Variants in PDE1C observed in about 807,000 individuals in gnomAD.
PDE1C encodes the protein phosphodiesterase 1C.
PDE1C carries 62 observed loss-of-function variants against 93.1 expected under a neutral mutation model. That is an observed-to-expected ratio of 0.67 (90% CI 0.54 to 0.82). The LOEUF is 0.82. Ranked by LOEUF, PDE1C falls within the 40% of genes least tolerant of loss-of-function variation. The pLI is 0.00. For synonymous variants in PDE1C, 325 were observed against 310.1 expected (o/e 1.05, Z -0.50); for missense variants, 742 against 884.6 (o/e 0.84, Z 2.04).
intron 1 of PDE1C, among the ~76,000 whole-genome samples, chr7:32,417,138 G>A (rs1312745787): frequency 1.3e-5 from 2 of 152,144 alleles, no homozygotes; most frequent in Non-Finnish European, 1.5e-5. Context: ...ACCACGAGCT[G>A]AGCGGTCCCA....
intron 7 of PDE1C, 151 bp from the exon 8 acceptor site, chr7:31,850,892 T>A: frequency 1.6e-6 from 1 of 633,866 alleles, no homozygotes; most frequent in Admixed American, 2.3e-5. Context: ...ATAAGTTATT[T>A]TCCTGTGAAG....
intron 3 of PDE1C, among the ~76,000 whole-genome samples, chr7:32,167,357 G>A (rs1003058718): frequency 6.6e-6 from 1 of 152,138 alleles, no homozygotes; most frequent in African/African-American, 2.4e-5. Context: ...CCTTCCTTTT[G>A]AGAATCAACA....
At chr7:32,017,817 A>G (rs1788109176) in intron 2 of PDE1C, among the ~76,000 whole-genome samples, 3 of 152,110 alleles carry the variant, frequency 2.0e-5, no homozygotes, top group Admixed American at 2.0e-4. Flanking sequence ...GGTAGCTCAC[A>G]CCTGTAATCC....
intron 3 of PDE1C, among the ~76,000 whole-genome samples, chr7:32,140,507 G>T (rs1298410810): frequency 2.0e-5 from 3 of 152,192 alleles, no homozygotes; most frequent in Non-Finnish European, 4.4e-5. Flanking sequence ...GATTATAAAT[G>T]GAAAACAATT....
chr7:32,012,354 T>C (rs1787253308), intron 2 of PDE1C, among the ~76,000 whole-genome samples: 3 of 152,092 alleles, frequency 2.0e-5, no homozygotes, highest in Admixed American at 2.0e-4. Flanking sequence ...AACCCAATCA[T>C]ATGTGAACTC....
At chr7:32,374,106 A>AGGAGGGAT (rs144022040) in intron 1 of PDE1C, among the ~76,000 whole-genome samples, 1 of 117,214 alleles carries the variant, frequency 8.5e-6, no homozygotes. Flanking sequence ...GAGGGAGGGA[A>AGGAGGGAT]GGAAGGAAGG....
At chr7:31,725,210 C>A in the PDE1C span, among the ~76,000 whole-genome samples, 2 of 151,748 alleles carry the variant, frequency 1.3e-5, no homozygotes, top group Admixed American at 6.6e-5. Context: ...TCTCTGTGGC[C>A]TGCACAAAGA....
chr7:31,708,628 A>G, the PDE1C span, among the ~76,000 whole-genome samples: 2 of 152,250 alleles, frequency 1.3e-5, no homozygotes, highest in South Asian at 2.1e-4. Flanking sequence ...CAATCCAGTC[A>G]GGAGAAGTGA....
chr7:32,424,694 T>G (rs1255572626), intron 1 of PDE1C, among the ~76,000 whole-genome samples: 2 of 152,060 alleles, frequency 1.3e-5, no homozygotes, highest in East Asian at 3.9e-4. Flanking sequence ...TGCCTGTAGT[T>G]CCAGCTACTC....
the PDE1C span, among the ~76,000 whole-genome samples, chr7:31,705,986 A>ATTTTTT: frequency 5.7e-4 from 30 of 52,514 alleles, 7 homozygotes; most frequent in South Asian, 1.7e-3. Flanking sequence ...CAGACCAGTA[A>ATTTTTT]TTTTTTTTTT....
intron 1 of PDE1C, among the ~76,000 whole-genome samples, chr7:32,293,880 C>T (rs970292528): frequency 6.6e-6 from 1 of 152,204 alleles, no homozygotes; most frequent in Non-Finnish European, 1.5e-5. Context: ...CCCAGACTGC[C>T]TGCTTGTCTA....
At chr7:31,932,936 AC>A (rs1439816948) in intron 2 of PDE1C, among the ~76,000 whole-genome samples, 4 of 152,148 alleles carry the variant, frequency 2.6e-5, no homozygotes, top group African/African-American at 7.2e-5. Flanking sequence ...GAAACTGGAA[AC>A]CATCTTTCTC....
chr7:31,788,185 T>C (rs1784205757), intron 16 of PDE1C: 1 of 152,178 alleles, frequency 6.6e-6, no homozygotes, highest in Admixed American at 6.6e-5. Flanking sequence ...ATGGAAGCTG[T>C]AGACTTTCTA....
intron 6 of PDE1C, among the ~76,000 whole-genome samples, chr7:31,868,439 G>C (rs11761300): frequency 0.19 from 28,462 of 152,000 alleles, 2,813 homozygotes; most frequent in South Asian, 0.25. Context: ...CAGTAGACTA[G>C]ACCAAGCAAG....
At chr7:31,827,918 G>A (rs1048897057) in intron 12 of PDE1C, among the ~76,000 whole-genome samples, 2 of 152,074 alleles carry the variant, frequency 1.3e-5, no homozygotes, top group Non-Finnish European at 2.9e-5. Flanking sequence ...CTGAAAACAG[G>A]GCTAGGAGAA....
In PDE1C at chr7:31,817,552, T is replaced by C. The variant is rs556764725; in HGVS notation, c.1583-1398A>G. Among the ~76,000 whole-genome samples, 50 of 152,276 alleles carry C rather than the reference T, an allele frequency of 3.3e-4. 1 individual carries two copies. Among genetic ancestry groups the C allele is most frequent in the South Asian group, 2.3e-3 (11 of 4,826 alleles). The stretch of plus-strand genomic sequence containing the variant: ...TCCAAGGTTCTAGAGACTCATCCCA[T>C]GCAGCGCTTAATTCACTGCCAAGGT... On this transcript the variant is annotated intron_variant, in intron 14 of 17. Coordinates refer to ENST00000396191, the MANE Select transcript of PDE1C (RefSeq NM_001191057.4).
chr7:32,327,226 C>G (rs1178467653), intron 1 of PDE1C, among the ~76,000 whole-genome samples: 1 of 152,218 alleles, frequency 6.6e-6, no homozygotes, highest in African/African-American at 2.4e-5. Context: ...TACTCTCTCA[C>G]TTTCTCTGTT....
chr7:32,200,392 G>A (rs149920995), intron 2 of PDE1C, among the ~76,000 whole-genome samples: 1 of 152,240 alleles, frequency 6.6e-6, no homozygotes, highest in African/African-American at 2.4e-5. Context: ...GGACCTTTCA[G>A]GTAGTTTCAA....
chr7:31,890,196 T>G (rs1246569572), intron 2 of PDE1C, among the ~76,000 whole-genome samples: 1 of 152,166 alleles, frequency 6.6e-6, no homozygotes, highest in East Asian at 1.9e-4. Context: ...TGCTGGGGAC[T>G]GGGGAGAGGG....
Sources: gnomAD v4.1 joint callset for allele counts (sites outside exome capture counted in the v4.1 genomes callset) on GRCh38, gnomAD v4.1.1 for gene constraint, MANE v1.5 for transcripts, NCBI Gene and HGNC (gene_info 2026-07-23, HGNC 2026-07-21) for gene names.